NOBOX: variants seen among roughly 807,000 people sequenced by gnomAD.
NOBOX encodes the protein homeobox protein NOBOX.
Under a neutral mutation model 60.2 loss-of-function variants are expected in NOBOX, and 46 were observed. That is an observed-to-expected ratio of 0.76 (90% CI 0.60 to 0.98). The LOEUF (loss-of-function observed/expected upper bound fraction) is 0.98. Ranked by LOEUF, NOBOX falls within the 50% of genes least tolerant of loss-of-function variation. The pLI, the probability that NOBOX is intolerant of heterozygous loss-of-function variation, is 0.00. For missense variants in NOBOX, 880 were observed against 865.5 expected, an observed-to-expected ratio of 1.02 and a Z score of -0.21; for synonymous variants, 360 against 346.3, an observed-to-expected ratio of 1.04 and a Z score of -0.44.
chr7:144,409,164 G>A (rs1306928936), intron 1 of NOBOX, among the ~76,000 whole-genome samples: 1 of 152,210 alleles, frequency 6.6e-6, no homozygotes, highest in Non-Finnish European at 1.5e-5. Flanking sequence ...CAGAAATAAT[G>A]TTTTGGTATA....
Position 144,398,292 on chromosome 7 carries a change from A to T in NOBOX, c.1764T>A (p.Ala588=). The stretch of plus-strand genomic sequence containing the variant: ...CCAGCCTCAACTCACCTATATTCCC[A>T]GCAGGTGGTTGCATCAGGATCTGTC... The change falls in exon 9 of 10, where the codon GCT becomes GCA. Residue 588 remains alanine, a synonymous_variant. Coordinates refer to ENST00000467773, the MANE Select transcript of NOBOX (RefSeq NM_001080413.3). 6.5e-7 allele frequency: 1 copy of T among 1,537,178 alleles called. No individual in the cohort carries two copies.
At chr7:144,405,657 C>T (rs1006512250) in intron 1 of NOBOX, among the ~76,000 whole-genome samples, 1 of 152,150 alleles carries the variant, frequency 6.6e-6, no homozygotes, top group South Asian at 2.1e-4. Flanking sequence ...ATCCTCAGCT[C>T]CCCTGTGTTG....
chr7:144,403,043 C>T (rs1423529847), intron 2 of NOBOX, among the ~76,000 whole-genome samples: 1 of 152,178 alleles, frequency 6.6e-6, no homozygotes, highest in African/African-American at 2.4e-5. Flanking sequence ...AGACTTGAGC[C>T]ACTGCGCCTG....
intron 4 of NOBOX, among the ~76,000 whole-genome samples, chr7:144,400,697 C>G (rs1482605543): frequency 1.3e-5 from 2 of 152,230 alleles, no homozygotes; most frequent in African/African-American, 4.8e-5. Context: ...GCCAGCATGT[C>G]TGGCTAATGT....
intron 1 of NOBOX, among the ~76,000 whole-genome samples, chr7:144,406,015 A>C (rs1343983888): frequency 6.6e-6 from 1 of 152,232 alleles, no homozygotes; most frequent in African/African-American, 2.4e-5. Flanking sequence ...TGTCTGCTGC[A>C]GTGAGAAGCG....
chr7:144,409,600 A>G (rs761605050), intron 1 of NOBOX, among the ~76,000 whole-genome samples: 35 of 152,198 alleles, frequency 2.3e-4, no homozygotes, highest in Admixed American at 2.6e-4. Flanking sequence ...TTATTTAACT[A>G]TTTTTCAACT....
chr7:144,399,908 G>T, intron 5 of NOBOX, 45 bp from the exon 4 acceptor site: 2 of 1,503,354 alleles, frequency 1.3e-6, no homozygotes, highest in South Asian at 1.2e-5. Flanking sequence ...GAGGGGCAGA[G>T]ACTGAGGCTT....
Position 144,401,546 on chromosome 7 carries a change from A to C in NOBOX, c.344T>G (p.Leu115Arg), listed in dbSNP as rs2128861811. 42 of 1,514,210 alleles carry C rather than the reference A, an allele frequency of 2.8e-5. No homozygotes were observed. The highest frequency in any genetic ancestry group is 3.7e-5 in the Non-Finnish European group (42 of 1,136,700). The allele number at this position is 1,514,210 out of a possible 1,614,324, so 93.8% of individuals were successfully genotyped here. Residue 115 changes from leucine (L) to arginine (R), a missense_variant, in exon 4 of 10, where the codon CTG (leucine) becomes CGG (arginine). By Grantham distance (102) the Leu-to-Arg change is moderately radical. Transcript: ENST00000467773. This position sits in a 1 kb window ranked among gnomAD's most constrained non-coding sequence, Gnocchi z 4.2. ...AGCATGAGGGGCTGAGCCCCGGAGC[A>C]GTTCCTCCTCCCCGGGTCCTGCAGC...
Position 144,397,462 on chromosome 7 carries a change from G to T in NOBOX, c.1854C>A (p.Pro618=), listed in dbSNP as rs191595863. 669 of 1,537,212 alleles carry T rather than the reference G, an allele frequency of 4.4e-4. 3 individuals are homozygous for T. The African/African-American group carries it at 7.8e-3, about 18-fold the overall frequency. ...CAGGAAAGTAGCCATCCCCTCCTGG[G>T]GGATGCCCCAGAGCTTGTGGGCAGA... The change falls in exon 10 of 10, where the codon CCC becomes CCA. Residue 618 remains proline (P), a synonymous_variant. Coordinates refer to ENST00000467773, the MANE Select transcript of NOBOX (RefSeq NM_001080413.3).
chr7:144,399,206 T>C (rs1037444020), intron 7 of NOBOX, 28 bp from the exon 6 acceptor site: 2 of 1,179,016 alleles, frequency 1.7e-6, no homozygotes, highest in African/African-American at 1.5e-5. Flanking sequence ...AGAGGTGCTA[T>C]AACGGTAAGG....
At chr7:144,403,745 A>G (rs2053961272) in intron 2 of NOBOX, 52 bp from the exon 1 acceptor site, 1 of 679,330 alleles carries the variant, frequency 1.5e-6, no homozygotes, top group Non-Finnish European at 2.7e-6. Context: ...GCGCGGCCTA[A>G]TGAAGCCTCG....
intron 1 of NOBOX, among the ~76,000 whole-genome samples, chr7:144,405,649 C>T (rs1418601640): frequency 6.6e-6 from 1 of 152,174 alleles, no homozygotes; most frequent in Admixed American, 6.5e-5. Flanking sequence ...TCCCCTGGAT[C>T]CTCAGCTCCC....
At chr7:144,406,721 G>A (rs1181689100) in intron 1 of NOBOX, among the ~76,000 whole-genome samples, 2 of 152,218 alleles carry the variant, frequency 1.3e-5, no homozygotes, top group African/African-American at 4.8e-5. Flanking sequence ...TGTCTGGTGA[G>A]TTTTGTTGGG....
Position 144,401,692 on chromosome 7 carries a change from T to C in NOBOX, c.293-95A>G. 1 of 1,286,566 alleles carries C rather than the reference T, an allele frequency of 7.8e-7. No homozygotes were observed. The highest frequency in any genetic ancestry group is 1.1e-6 in the Non-Finnish European group (1 of 947,070). The allele number at this position is 1,286,566 out of a possible 1,614,324, so 79.7% of individuals were successfully genotyped here. ...GCTTCCTGCTTTGCAAACGGTTTGA[T>C]CTTAAGCTTTAATTTGTCTACCTAT... On this transcript the variant is annotated intron_variant, in intron 3 of 9. Coordinates refer to ENST00000467773, the MANE Select transcript of NOBOX (RefSeq NM_001080413.3). The surrounding 1 kb of genome is among the most constrained non-coding windows in gnomAD (Gnocchi z 4.2).
At chr7:144,402,258 C>T (rs1320672680) in intron 2 of NOBOX, among the ~76,000 whole-genome samples, 1 of 139,816 alleles carries the variant, frequency 7.2e-6, no homozygotes, top group African/African-American at 2.6e-5. Flanking sequence ...CTCTGGTAAA[C>T]CTCTCTTTCG....
At chr7:144,406,125 G>C (rs763721610) in intron 1 of NOBOX, among the ~76,000 whole-genome samples, 25 of 152,136 alleles carry the variant, frequency 1.6e-4, no homozygotes, top group Non-Finnish European at 3.2e-4. Flanking sequence ...TCTCTAGCTG[G>C]CTCCCCTCTG....
intron 1 of NOBOX, among the ~76,000 whole-genome samples, chr7:144,407,086 A>G (rs2128863589): frequency 6.6e-6 from 1 of 152,108 alleles, no homozygotes; most frequent in East Asian, 1.9e-4. Flanking sequence ...CATTTCTTCC[A>G]AAATCTTTTT....
At chr7:144,406,909 G>C (rs1452156496) in intron 1 of NOBOX, among the ~76,000 whole-genome samples, 1 of 152,074 alleles carries the variant, frequency 6.6e-6, no homozygotes, top group Non-Finnish European at 1.5e-5. Flanking sequence ...CCTAAGTCCT[G>C]TTTGGTTGCA....
In NOBOX at chr7:144,401,911, T is replaced by A. The variant is rs765127472; in HGVS notation, c.250A>T (p.Lys84Ter). The change falls in exon 3 of 10, where the codon AAA (lysine) becomes TAA (stop). Residue 84 changes from lysine (K) to a stop codon, truncating the protein, a stop_gained. Transcript: ENST00000467773. LOFTEE classifies it high-confidence loss of function. This position sits in a 1 kb window ranked among gnomAD's most constrained non-coding sequence, Gnocchi z 4.2. ...TTCCCAGACACCAGGGGTATGAGTT[T>A]GAGGGACTGTTCAGGTATCTCTAAG... The A allele has an allele frequency of 6.2e-7, 1 of 1,613,068 alleles. No homozygotes were observed. Among genetic ancestry groups the A allele is most frequent in the South Asian group, 1.1e-5 (1 of 91,032 alleles).
Sources: gnomAD v4.1 joint callset for allele counts (sites outside exome capture counted in the v4.1 genomes callset) on GRCh38, gnomAD v4.1.1 for gene constraint, Gnocchi (gnomAD v3.1) non-coding constraint, MANE v1.5 for transcripts, NCBI Gene and HGNC (gene_info 2026-07-23, HGNC 2026-07-21) for gene names.